Variants in CDH24 observed in about 807,000 individuals in gnomAD.
CDH24 encodes the protein cadherin 24, also known as cadherin-24.
A neutral mutation model predicts 71.2 loss-of-function variants in CDH24; 61 were observed. The observed-to-expected ratio is 0.86, with a 90% confidence interval of 0.70 to 1.06. CDH24 has a LOEUF of 1.06. Ranked by LOEUF, CDH24 falls within the 50% of genes least tolerant of loss-of-function variation. CDH24 has a pLI of 0.00. For synonymous variants in CDH24, 440 were observed against 470.2 expected, an observed-to-expected ratio of 0.94 and a Z score of 0.83; for missense variants, 961 against 1,083.7, an observed-to-expected ratio of 0.89 and a Z score of 1.59.
At position 23,054,778 on chromosome 14, in the gene CDH24, T is replaced by C; in HGVS notation, c.585A>G (p.Gly195=). 6.2e-7 allele frequency: 1 copy of C among 1,614,026 alleles called. No individual in the cohort carries two copies. Among genetic ancestry groups the C allele is most frequent in the South Asian group, 1.1e-5 (1 of 91,072 alleles). The change falls in exon 4 of 13, where the codon GGA becomes GGG. Residue 195 remains glycine, a synonymous_variant. Transcript: ENST00000487137. This position sits in a 1 kb window ranked among gnomAD's most constrained non-coding sequence, Gnocchi z 5.2. Reference sequence around the variant, plus strand: ...GGGGGTCCACAGAGAAGAAAGGCAGTCCATCCAGAACAGTGTACACCAGCT... The same window carrying C: ...GGGGGTCCACAGAGAAGAAAGGCAGCCCATCCAGAACAGTGTACACCAGCT... ...SAKLVYTVLD[G]LPFFSVDPQT...
In CDH24 at chr14:23,049,213, C is replaced by T; in HGVS notation, c.1660G>A (p.Val554Ile). 1 of 1,575,106 alleles carries T rather than the reference C, an allele frequency of 6.3e-7. No individual in the cohort carries two copies. Among genetic ancestry groups the T allele is most frequent in the Non-Finnish European group, 8.6e-7 (1 of 1,159,580 alleles). ...CCCCAGTCCCACAGTTCTATGGGAA[C>T]CAAGTAGGGGGCATGGCGGGGTGGA... ...PAPPRHAPYL[V>I]PIELWDWGQP... The change falls in exon 11 of 13, where the codon GTT (valine) becomes ATT (isoleucine). Residue 554 changes from valine to isoleucine, a missense_variant. Around this residue, in one of 2 missense-constraint regions of CDH24, gnomAD observed 671 missense variants for 810.9 expected, o/e 0.83. Coordinates refer to ENST00000487137, the MANE Select transcript of CDH24 (RefSeq NM_144985.4).
rs2047093855 is a variant in CDH24 at position 23,052,629 on chromosome 14, G to T, written c.1227-20C>A. ...GAGTATCTGGGGAAGGGAGAGACATGCTGGGGCTGATCTGGGGCGGGACCA... is the reference window on the plus strand; with the variant it reads ...GAGTATCTGGGGAAGGGAGAGACATTCTGGGGCTGATCTGGGGCGGGACCA... On this transcript the variant is annotated intron_variant, in intron 7 of 12. Coordinates refer to ENST00000487137, the MANE Select transcript of CDH24 (RefSeq NM_144985.4). The T allele has an allele frequency of 6.2e-7, 1 of 1,611,320 alleles. No homozygotes were observed. Among genetic ancestry groups the T allele is most frequent in the Non-Finnish European group, 8.5e-7 (1 of 1,178,192 alleles).
Position 23,055,335 on chromosome 14 carries a change from G to C in CDH24, c.220C>G (p.Arg74Gly), listed in dbSNP as rs955239180. ...AGGTACTTGGTGCGGCCCTCTCCCC[G>C]GTCAACATCCGAGTGCAGCTGCAGG... ...LIGKLHSDVD[R>G]GEGRTKYLLT... The change falls in exon 3 of 13, where the codon CGG becomes GGG. Residue 74 changes from arginine to glycine, a missense_variant. By Grantham distance (125) the Arg-to-Gly change is moderately radical (BLOSUM62 -2). Coordinates refer to ENST00000487137, the MANE Select transcript of CDH24 (RefSeq NM_144985.4). This position sits in a 1 kb window ranked among gnomAD's most constrained non-coding sequence, Gnocchi z 4.1. 1.2e-5 allele frequency: 20 copies of C among 1,607,098 alleles called. No individual in the cohort carries two copies. The highest frequency in any genetic ancestry group is 1.3e-5 in the Non-Finnish European group (15 of 1,174,244).
Position 23,047,953 on chromosome 14 carries a change from CG to C in CDH24, c.*26del, listed in dbSNP as rs1360150541. The C allele has an allele frequency of 7.7e-7, 1 of 1,292,350 alleles. No homozygotes were observed. Among genetic ancestry groups the C allele is most frequent in the Non-Finnish European group, 9.8e-7 (1 of 1,023,466 alleles). The allele number at this position is 1,292,350 out of a possible 1,614,324, so 80.1% of individuals were successfully genotyped here. On this transcript the variant is annotated 3_prime_UTR_variant, in exon 12 of 13. Transcript: ENST00000487137. ...GGGCCTGTGCCCGCTGCCCCCCCCC[CG>C]CGGTGGGCCGGGCCAGCCCGGGCGC...
rs531255154 is a variant in CDH24, at chr14:23,053,895, C to T, written c.973-146G>A. On this transcript the variant is annotated intron_variant, in intron 6 of 12. Coordinates refer to ENST00000487137, the MANE Select transcript of CDH24 (RefSeq NM_144985.4). The stretch of plus-strand genomic sequence containing the variant: ...GAGGTGGCACTGGAGGGACAGTGGC[C>T]TTGGTGGTCAGGATGCACAGCAGAT... 7 of 917,340 alleles carry T rather than the reference C, an allele frequency of 7.6e-6. No homozygotes were observed. The East Asian group carries it at 1.1e-4, about 14-fold the overall frequency. The allele number at this position is 917,340 out of a possible 1,614,324, so 56.8% of individuals were successfully genotyped here. A position where few individuals can be genotyped will look rare whatever the true frequency, so the allele number is the denominator to read the frequency against.
intron 7 of CDH24, 78 bp from the exon 8 acceptor site, chr14:23,052,687 C>T (rs2047094301): frequency 6.8e-7 from 1 of 1,477,290 alleles, no homozygotes; most frequent in Non-Finnish European, 9.4e-7. Flanking sequence ...TCTTTCTTCC[C>T]TCTGTTCACC....
At position 23,054,741 on chromosome 14, in the gene CDH24, C is replaced by T. The variant is rs201808325; in HGVS notation, c.616+6G>A. On this transcript the variant is annotated splice_donor_region_variant and intron_variant, in intron 4 of 12. Coordinates refer to ENST00000487137, the MANE Select transcript of CDH24 (RefSeq NM_144985.4). This position sits in a 1 kb window ranked among gnomAD's most constrained non-coding sequence, Gnocchi z 5.2. The stretch of plus-strand genomic sequence containing the variant: ...GCCCCACCGGGCTCCCAGGCTCCAT[C>T]CTCACCAGTCTGGGGGTCCACAGAG... The T allele has an allele frequency of 1.2e-6, 2 of 1,614,138 alleles. No homozygotes were observed. Among genetic ancestry groups the T allele is most frequent in the Non-Finnish European group, 1.7e-6 (2 of 1,180,016 alleles).
At chr14:23,053,860 C>CAT in intron 6 of CDH24, 111 bp from the exon 7 acceptor site, 1 of 1,132,466 alleles carries the variant, frequency 8.8e-7, no homozygotes. Context: ...GCTCAGTCCT[C>CAT]ATGTGAGGAG....
chr14:23,055,173 G>A lies in CDH24; in HGVS notation c.382C>T (p.Arg128Trp), dbSNP rs141813515. ...AACTCTGATGGGGGCTCCAGGGGCC[G>A]GTTGGAGGCTCGGTCCACGGCTTGG... The part of the protein sequence containing the change: ...LAQAVDRASN[R>W]PLEPPSEFII... Residue 128 changes from arginine (R) to tryptophan (W), a missense_variant, in exon 3 of 13, where the codon CGG becomes TGG. Arg to Trp is a moderately radical substitution (Grantham distance 101). Transcript: ENST00000487137. The surrounding 1 kb of genome is among the most constrained non-coding windows in gnomAD (Gnocchi z 4.1). 6.2e-6 allele frequency: 10 copies of A among 1,614,052 alleles called. No individual in the cohort carries two copies. The African/African-American group carries it at 8.0e-5, about 13-fold the overall frequency.
Position 23,048,247 on chromosome 14 carries a change from C to A in CDH24, c.2079G>T (p.Gln693His). 7.2e-7 allele frequency: 1 copy of A among 1,391,644 alleles called. No homozygotes were observed. Among genetic ancestry groups the A allele is most frequent in the South Asian group, 1.5e-5 (1 of 65,224 alleles). The allele number at this position is 1,391,644 out of a possible 1,614,324, so 86.2% of individuals were successfully genotyped here. The stretch of plus-strand genomic sequence containing the variant: ...CGTCGGCGGGGCCGGGGGGTCTGGG[C>A]TGGCGCGACACCCGGGCCCGGGGCA... The part of the protein sequence containing the change: ...DVLPRARVSR[Q>H]PRPPGPADVA... The change falls in exon 12 of 13, where the codon CAG becomes CAT. Residue 693 changes from glutamine (Q) to histidine (H), a missense_variant. Transcript: ENST00000487137.
Position 23,054,640 on chromosome 14 carries a change from C to A in CDH24, c.650G>T (p.Arg217Leu), listed in dbSNP as rs778309563. Reference sequence around the variant, plus strand: ...CACCAAGAACTCCTCCTGTGTCTCCCGGTCCATGTTGGGGATGGCTGTACG... The same window carrying A: ...CACCAAGAACTCCTCCTGTGTCTCCAGGTCCATGTTGGGGATGGCTGTACG... ...VVRTAIPNMD[R>L]ETQEEFLVVI... The change falls in exon 5 of 13, where the codon CGG becomes CTG. Residue 217 changes from arginine to leucine, a missense_variant. Coordinates refer to ENST00000487137, the MANE Select transcript of CDH24 (RefSeq NM_144985.4). This position sits in a 1 kb window ranked among gnomAD's most constrained non-coding sequence, Gnocchi z 5.2. 1 of 1,614,094 alleles carries A rather than the reference C, an allele frequency of 6.2e-7. No homozygotes were observed.
Position 23,051,860 on chromosome 14 carries a change from T to C in CDH24, c.1363+613A>G, listed in dbSNP as rs1032678402. 6 of 596,508 alleles carry C rather than the reference T, an allele frequency of 1.0e-5. No homozygotes were observed. Among genetic ancestry groups the C allele is most frequent in the African/African-American group, 3.8e-5 (2 of 52,248 alleles). 37.0% of individuals were successfully genotyped at this position (596,508 alleles called of 1,614,324 possible). ...CGGGAGGGAGGTCTCCCTGTCTGTA[T>C]GGGCTAGGGCTGCCCAGAGGCAGCT... On this transcript the variant is annotated intron_variant, in intron 8 of 12. Transcript: ENST00000487137. This position sits in a 1 kb window ranked among gnomAD's most constrained non-coding sequence, Gnocchi z 4.4.
In CDH24 at chr14:23,055,335, G is replaced by A. The variant is rs955239180; in HGVS notation, c.220C>T (p.Arg74Trp). The change falls in exon 3 of 13, where the codon CGG (arginine) becomes TGG (tryptophan). Residue 74 changes from arginine (R) to tryptophan (W), a missense_variant. This residue lies in a region of CDH24 where 671 missense variants were observed against 810.9 expected (regional missense o/e 0.83). Coordinates refer to ENST00000487137, the MANE Select transcript of CDH24 (RefSeq NM_144985.4). This position sits in a 1 kb window ranked among gnomAD's most constrained non-coding sequence, Gnocchi z 4.1. Reference protein sequence around the residue: ...LIGKLHSDVDRGEGRTKYLLT... With the variant: ...LIGKLHSDVDWGEGRTKYLLT... ...AGGTACTTGGTGCGGCCCTCTCCCC[G>A]GTCAACATCCGAGTGCAGCTGCAGG... is the stretch of plus-strand genomic sequence containing the variant. 19 of 1,607,098 alleles carry A rather than the reference G, an allele frequency of 1.2e-5. No individual in the cohort carries two copies. The highest frequency in any genetic ancestry group is 1.7e-5 in the Admixed American group (1 of 59,892).
intron 8 of CDH24, chr14:23,052,187 C>T (rs1428731141): frequency 2.6e-6 from 2 of 772,420 alleles, no homozygotes; most frequent in African/African-American, 3.5e-5. Flanking sequence ...AAGGGAATGA[C>T]TTGAGGGTCA....
intron 11 of CDH24, among the ~76,000 whole-genome samples, 165 bp downstream of exon 11, chr14:23,048,862 T>C (rs1594723112): frequency 6.6e-6 from 1 of 152,258 alleles, no homozygotes; most frequent in South Asian, 2.1e-4. Context: ...AGGTCACGGA[T>C]AGAGGCCAGA....
In CDH24 at chr14:23,055,020, G is replaced by A. The variant is rs772117724; in HGVS notation, c.496+39C>T. 9 of 1,596,336 alleles carry A rather than the reference G, an allele frequency of 5.6e-6. No individual in the cohort carries two copies. The highest frequency in any genetic ancestry group is 7.7e-6 in the Non-Finnish European group (9 of 1,168,196). ...GGGAAGGAGAGGTGAGAGAGCTCCA[G>A]AAGACGGGAACTGGGGCATTCAGAG... On this transcript the variant is annotated intron_variant, in intron 3 of 12. Coordinates refer to ENST00000487137, the MANE Select transcript of CDH24 (RefSeq NM_144985.4). This position sits in a 1 kb window ranked among gnomAD's most constrained non-coding sequence, Gnocchi z 4.1.
In CDH24 at chr14:23,051,692, C is replaced by G. The variant is rs988619037; in HGVS notation, c.1363+781G>C. On this transcript the variant is annotated intron_variant, in intron 8 of 12. Transcript: ENST00000487137. This position sits in a 1 kb window ranked among gnomAD's most constrained non-coding sequence, Gnocchi z 4.4. ...ATACACATGGCTGAGAACATACCCA[C>G]ATGTGCACATTCATATAGGCCTTCA... 6.6e-6 allele frequency among the ~76,000 whole-genome samples: 1 copy of G among 152,230 alleles called. No homozygotes were observed. The highest frequency in any genetic ancestry group is 1.5e-5 in the Non-Finnish European group (1 of 68,052).
Position 23,054,547 on chromosome 14 carries a change from G to GTT in CDH24, c.742_743insAA (p.Thr248LysfsTer47), listed in dbSNP as rs1205122274. On this transcript the variant is annotated frameshift_variant, in exon 5 of 13. Transcript: ENST00000487137. LOFTEE classifies it high-confidence loss of function. This position sits in a 1 kb window ranked among gnomAD's most constrained non-coding sequence, Gnocchi z 5.2. ...GGGGTTGTCGTTGACATCGCTGAGC[G>GTT]TGACAGTCACCGTAGTGCTGCCTGA... 3.7e-6 allele frequency: 6 copies of GTT among 1,614,010 alleles called. No homozygotes were observed. The highest frequency in any genetic ancestry group is 1.3e-5 in the African/African-American group (1 of 75,010).
In CDH24 at chr14:23,052,542, G is replaced by C; in HGVS notation, c.1294C>G (p.His432Asp). Residue 432 changes from histidine to aspartate, a missense_variant, in exon 8 of 13, where the codon CAT (histidine) becomes GAT (aspartate). By Grantham distance (81) the His-to-Asp change is moderately conservative. Around this residue, in one of 2 missense-constraint regions of CDH24, gnomAD observed 671 missense variants for 810.9 expected, o/e 0.83. Transcript: ENST00000487137. ...FSIQPEEGTI[H>D]TAAPLDREAR... ...TCGCGATCCAGGGGTGCTGCTGTATGGATGGTGCCTTCCTCGGGCTGGATA... is the reference window on the plus strand; with the variant it reads ...TCGCGATCCAGGGGTGCTGCTGTATCGATGGTGCCTTCCTCGGGCTGGATA... The C allele has an allele frequency of 6.2e-7, 1 of 1,614,078 alleles. No individual in the cohort carries two copies. Among genetic ancestry groups the C allele is most frequent in the South Asian group, 1.1e-5 (1 of 91,086 alleles).
Sources: allele counts gnomAD v4.1 joint callset (sites outside exome capture counted in the v4.1 genomes callset), GRCh38; gene constraint gnomAD v4.1.1; regional missense constraint gnomAD v4.1.1; non-coding constraint Gnocchi (gnomAD v3.1); transcripts MANE v1.5; gene names NCBI Gene and HGNC (gene_info 2026-07-23, HGNC 2026-07-21).